The following ASIC2 variants were observed in gnomAD, a reference collection of about 807,000 sequenced individuals.
ASIC2 encodes the protein acid sensing ion channel subunit 2.
In ASIC2, 25 loss-of-function variants were observed where a neutral mutation model predicts 57.3. The observed-to-expected ratio is 0.44, with a 90% CI of 0.32 to 0.61. The LOEUF (loss-of-function observed/expected upper bound fraction) is 0.61. Among genes scored for constraint, ASIC2 ranks in the 20% least tolerant of loss-of-function variants. The probability of loss-of-function intolerance (pLI) is 0.06; values close to 1 mark genes in which losing one functional copy is unlikely to be tolerated. For missense variants in ASIC2, 641 were observed against 738.1 expected (o/e 0.87, Z 1.52); for synonymous variants, 319 against 307.5 (o/e 1.04, Z -0.39).
At chr17:33,196,640 A>G (rs1190784226) in intron 1 of ASIC2, among the ~76,000 whole-genome samples, 1 of 152,236 alleles carries the variant, frequency 6.6e-6, no homozygotes, top group Non-Finnish European at 1.5e-5. Flanking sequence ...ATGTCTGATT[A>G]GGAAACACTG....
chr17:33,360,771 T>C (rs2037388506), intron 1 of ASIC2, among the ~76,000 whole-genome samples: 1 of 152,238 alleles, frequency 6.6e-6, no homozygotes, highest in African/African-American at 2.4e-5. Context: ...ATAGAAGATC[T>C]ATGGCTACTT....
chr17:33,444,602 C>T (rs1256882878), intron 1 of ASIC2, among the ~76,000 whole-genome samples: 1 of 126,656 alleles, frequency 7.9e-6, no homozygotes, highest in African/African-American at 2.9e-5. Flanking sequence ...TTTCCAGTTG[C>T]CTGGGGAGTG....
intron 1 of ASIC2, among the ~76,000 whole-genome samples, chr17:33,575,706 G>A (rs1165790890): frequency 6.6e-6 from 1 of 152,190 alleles, no homozygotes; most frequent in Non-Finnish European, 1.5e-5. Flanking sequence ...TGCATGCCTT[G>A]CTTTCCTCTC....
intron 1 of ASIC2, among the ~76,000 whole-genome samples, chr17:34,032,302 A>T (rs1333681035): frequency 6.6e-6 from 1 of 152,190 alleles, no homozygotes; most frequent in South Asian, 2.1e-4. Flanking sequence ...CTTTACAGAC[A>T]AGCAAATGCT....
At chr17:33,865,203 G>A (rs368104790) in intron 1 of ASIC2, among the ~76,000 whole-genome samples, 41 of 152,298 alleles carry the variant, frequency 2.7e-4, no homozygotes, top group African/African-American at 7.9e-4. Context: ...AACACCAGGC[G>A]ATGGTCAGTG....
chr17:33,941,262 G>A (rs1172487563), intron 1 of ASIC2, among the ~76,000 whole-genome samples: 4 of 152,202 alleles, frequency 2.6e-5, no homozygotes, highest in Non-Finnish European at 5.9e-5. Context: ...ACACAGACAG[G>A]AGAGTCTTTC....
intron 1 of ASIC2, among the ~76,000 whole-genome samples, chr17:34,007,667 T>C (rs1166377950): frequency 6.6e-6 from 1 of 152,208 alleles, no homozygotes; most frequent in Non-Finnish European, 1.5e-5. Context: ...AGTGCTCTTT[T>C]CAGCATTCTG....
chr17:33,325,076 T>A (rs572209161), intron 1 of ASIC2, among the ~76,000 whole-genome samples: 6 of 152,158 alleles, frequency 3.9e-5, no homozygotes, highest in Non-Finnish European at 7.3e-5. Context: ...CAGGCACGTA[T>A]CTATTGAGTA....
intron 1 of ASIC2, among the ~76,000 whole-genome samples, chr17:33,637,210 G>A (rs1906400860): frequency 6.6e-6 from 1 of 152,086 alleles, no homozygotes; most frequent in Admixed American, 6.6e-5. Context: ...CAAGGAGCAG[G>A]TTTTTCCTTG....
chr17:33,590,872 G>T (rs142863650), intron 1 of ASIC2, among the ~76,000 whole-genome samples: 2 of 152,188 alleles, frequency 1.3e-5, no homozygotes, highest in East Asian at 3.8e-4. Context: ...CCAAGAGTTG[G>T]TTTCCAAAGC....
chr17:33,138,323 CA>C (rs900255590), intron 1 of ASIC2, among the ~76,000 whole-genome samples: 14 of 152,144 alleles, frequency 9.2e-5, no homozygotes, highest in African/African-American at 3.4e-4. Context: ...CAGAGAACAT[CA>C]GAGCTAGAAG....
chr17:33,880,256 A>G (rs2141939124), intron 1 of ASIC2, among the ~76,000 whole-genome samples: 1 of 152,346 alleles, frequency 6.6e-6, no homozygotes, highest in East Asian at 1.9e-4. Flanking sequence ...AACTAAGATC[A>G]GAGCAGAACT....
chr17:33,118,314 T>C (rs1273828278), intron 1 of ASIC2, among the ~76,000 whole-genome samples: 1 of 152,222 alleles, frequency 6.6e-6, no homozygotes. Context: ...AGCCACTTTA[T>C]ATCTGCTATC....
intron 1 of ASIC2, among the ~76,000 whole-genome samples, chr17:33,887,878 A>G (rs939054654): frequency 6.6e-6 from 1 of 152,136 alleles, no homozygotes; most frequent in Non-Finnish European, 1.5e-5. Flanking sequence ...CCATGGTTCT[A>G]CTTAATATTT....
chr17:33,219,274 A>G (rs1436131252), intron 1 of ASIC2, among the ~76,000 whole-genome samples: 2 of 152,228 alleles, frequency 1.3e-5, no homozygotes, highest in Non-Finnish European at 2.9e-5. Flanking sequence ...AAGGCAAACC[A>G]GCATTCAGAA....
intron 1 of ASIC2, among the ~76,000 whole-genome samples, chr17:33,343,887 G>A (rs1907836248): frequency 6.6e-6 from 1 of 152,196 alleles, no homozygotes; most frequent in African/African-American, 2.4e-5. Flanking sequence ...AAAAGCGACT[G>A]TGCCTTTGCC....
chr17:33,824,093 C>G (rs902336106), intron 1 of ASIC2, among the ~76,000 whole-genome samples: 4 of 152,144 alleles, frequency 2.6e-5, no homozygotes, highest in African/African-American at 7.2e-5. Flanking sequence ...AAATGACCCA[C>G]AGGAACCATT....
chr17:33,605,432 A>C (rs1281612026), intron 1 of ASIC2, among the ~76,000 whole-genome samples: 4 of 152,238 alleles, frequency 2.6e-5, no homozygotes, highest in African/African-American at 9.6e-5. Context: ...GAGAACTTTT[A>C]AAGATAGTAG....
At position 33,027,589 on chromosome 17, in the gene ASIC2, G is replaced by A. The variant is rs138507519; in HGVS notation, c.1138+653C>T. 7.0e-3 allele frequency among the ~76,000 whole-genome samples: 1,072 copies of A among 152,266 alleles called. 4 individuals are homozygous for A. The highest frequency in any genetic ancestry group is 0.011 in the African/African-American group (458 of 41,540). On this transcript the variant is annotated intron_variant, in intron 4 of 9. Transcript: ENST00000225823. The stretch of plus-strand genomic sequence containing the variant: ...TGATTGTGTTTTAAAGTTCATAAAC[G>A]TGAGAACAGAGAGGTTTAGTAACCA...
Sources: allele counts gnomAD v4.1 joint callset (sites outside exome capture counted in the v4.1 genomes callset), GRCh38; gene constraint gnomAD v4.1.1; transcripts MANE v1.5; gene names NCBI Gene and HGNC (gene_info 2026-07-23, HGNC 2026-07-21).